The following SORCS1 variants were observed in gnomAD, a reference collection of about 807,000 sequenced individuals.
SORCS1 encodes sortilin related VPS10 domain containing receptor 1, also known as VPS10 domain-containing receptor SorCS1.
Under a neutral mutation model 146.1 loss-of-function variants are expected in SORCS1, and 60 were observed. The observed-to-expected ratio is 0.41, with a 90% CI of 0.33 to 0.51. SORCS1 has a LOEUF of 0.51. SORCS1 is among the 20% of genes least tolerant of loss of function. The pLI is 0.21. For missense variants in SORCS1, 1,352 were observed against 1,487.6 expected (o/e 0.91, Z 1.50); for synonymous variants, 637 against 584.0 (o/e 1.09, Z -1.31).
In SORCS1 at chr10:106,979,832, AACTTAACCTCTAGATG is replaced by A. The variant is rs377396170; in HGVS notation, c.559-23268_559-23253del. Among the ~76,000 whole-genome samples, 870 of 152,318 alleles carry A rather than the reference AACTTAACCTCTAGATG, an allele frequency of 5.7e-3. 15 individuals are homozygous for A. Among genetic ancestry groups the A allele is most frequent in the African/African-American group, 0.02 (823 of 41,568 alleles). ...CCCTCACTCTGCCACTGTGGGAGGT[AACTTAACCTCTAGATG>A]CTCCAGTTTCCTCATCATGAAGGTA... On this transcript the variant is annotated intron_variant, in intron 1 of 25. Coordinates refer to ENST00000263054, the MANE Select transcript of SORCS1 (RefSeq NM_052918.5).
chr10:106,736,689 G>T (rs17121352), intron 5 of SORCS1, among the ~76,000 whole-genome samples: 1 of 151,094 alleles, frequency 6.6e-6, no homozygotes. Flanking sequence ...TCTCGTCTGC[G>T]TCCAACACGG....
At chr10:106,813,135 T>C (rs1038835334) in intron 3 of SORCS1, among the ~76,000 whole-genome samples, 32 of 142,208 alleles carry the variant, frequency 2.3e-4, no homozygotes, top group African/African-American at 6.8e-4. Flanking sequence ...TTTCTTTTTT[T>C]TTTTTTTTTT....
At chr10:106,718,504 G>A (rs1443852709) in intron 6 of SORCS1, among the ~76,000 whole-genome samples, 1 of 151,908 alleles carries the variant, frequency 6.6e-6, no homozygotes, top group Non-Finnish European at 1.5e-5. Flanking sequence ...GACTTCAGGA[G>A]TGAAGCCGCA....
intron 10 of SORCS1, among the ~76,000 whole-genome samples, chr10:106,684,439 C>T (rs1852671600): frequency 1.3e-5 from 2 of 152,166 alleles, no homozygotes; most frequent in Non-Finnish European, 1.5e-5. Flanking sequence ...GGATTTGTCA[C>T]AGGCTCAGTT....
chr10:107,010,661 T>C (rs77542449), intron 1 of SORCS1, among the ~76,000 whole-genome samples: 4,415 of 147,428 alleles, frequency 0.03, 184 homozygotes, highest in African/African-American at 0.1. Context: ...TAGGAGCTGA[T>C]TGAACAACTG....
intron 2 of SORCS1, among the ~76,000 whole-genome samples, chr10:106,912,769 C>T (rs543288837): frequency 2.0e-4 from 31 of 152,238 alleles, no homozygotes; most frequent in African/African-American, 6.7e-4. Flanking sequence ...ACCTCCACCT[C>T]CTGGGTTCCA....
chr10:106,674,524 T>G (rs1317110970), intron 14 of SORCS1, among the ~76,000 whole-genome samples: 2 of 152,034 alleles, frequency 1.3e-5, no homozygotes, highest in African/African-American at 4.8e-5. Context: ...TCAAAGTCCA[T>G]GTATTGAAAC....
chr10:106,839,603 A>G (rs1254786350), intron 2 of SORCS1, among the ~76,000 whole-genome samples: 2 of 152,220 alleles, frequency 1.3e-5, no homozygotes, highest in Non-Finnish European at 2.9e-5. Flanking sequence ...ATCATTGATG[A>G]AGGTGGCTAC....
At chr10:106,878,129 A>G (rs1340133711) in intron 2 of SORCS1, among the ~76,000 whole-genome samples, 1 of 150,832 alleles carries the variant, frequency 6.6e-6, no homozygotes, top group Non-Finnish European at 1.5e-5. Flanking sequence ...CTGGCAAGGT[A>G]GTAAATTTTT....
Position 107,099,636 on chromosome 10 carries a change from A to G in SORCS1, c.558+64333T>C, listed in dbSNP as rs565041898. ...AGGTATTCCATCACTGAAGAAATGT[A>G]TATTAAACAATGCTGGTATGCATTT... On this transcript the variant is annotated intron_variant, in intron 1 of 25. Transcript: ENST00000263054. 9.1e-4 allele frequency among the ~76,000 whole-genome samples: 138 copies of G among 152,342 alleles called. 1 individual carries two copies. Among genetic ancestry groups the G allele is most frequent in the Non-Finnish European group, 1.3e-4 (9 of 68,028 alleles).
intron 16 of SORCS1, 55 bp from the exon 17 acceptor site, chr10:106,667,857 C>A: frequency 7.8e-7 from 1 of 1,280,968 alleles, no homozygotes; most frequent in Non-Finnish European, 1.1e-6. Context: ...TTACTGAAAA[C>A]AATTCTACAT....
chr10:106,777,384 G>A (rs561920847), intron 3 of SORCS1, among the ~76,000 whole-genome samples: 8 of 152,290 alleles, frequency 5.3e-5, no homozygotes, highest in African/African-American at 1.9e-4. Flanking sequence ...GTTCACAGAT[G>A]AATTCCCAGC....
At chr10:106,885,285 T>TGG (rs34957631) in intron 2 of SORCS1, among the ~76,000 whole-genome samples, 136 of 139,866 alleles carry the variant, frequency 9.7e-4, no homozygotes, top group African/African-American at 3.3e-3. Context: ...AGGAGAAAAT[T>TGG]GGGGGGGGGG....
intron 1 of SORCS1, among the ~76,000 whole-genome samples, chr10:107,070,398 C>T (rs572871461): frequency 6.6e-6 from 1 of 152,244 alleles, no homozygotes; most frequent in East Asian, 1.9e-4. Flanking sequence ...TTCACAGTAG[C>T]TGCACACTTT....
intron 1 of SORCS1, among the ~76,000 whole-genome samples, chr10:107,148,148 C>T (rs1295579832): frequency 6.6e-6 from 1 of 152,126 alleles, no homozygotes; most frequent in Non-Finnish European, 1.5e-5. Flanking sequence ...GCCTTTGAGC[C>T]AGGAAAACCA....
At chr10:106,978,275 G>A (rs1342245750) in intron 1 of SORCS1, among the ~76,000 whole-genome samples, 3 of 152,120 alleles carry the variant, frequency 2.0e-5, no homozygotes, top group Admixed American at 2.0e-4. Flanking sequence ...AGCCTGGTGG[G>A]AGATCAGAAT....
chr10:106,883,700 A>G (rs374462555), intron 2 of SORCS1, among the ~76,000 whole-genome samples: 3 of 152,338 alleles, frequency 2.0e-5, no homozygotes, highest in African/African-American at 7.2e-5. Flanking sequence ...GGCGTGAGCC[A>G]CCACGCCCGG....
chr10:107,145,240 T>G (rs1968220050), intron 1 of SORCS1, among the ~76,000 whole-genome samples: 1 of 152,170 alleles, frequency 6.6e-6, no homozygotes, highest in South Asian at 2.1e-4. Context: ...ATGGTACAAG[T>G]TTGTTAAACT....
intron 23 of SORCS1, among the ~76,000 whole-genome samples, chr10:106,597,677 A>G (rs887171462): frequency 6.6e-6 from 1 of 152,224 alleles, no homozygotes; most frequent in Non-Finnish European, 1.5e-5. Context: ...AGAAACTATT[A>G]GTGAATGAAA....
Sources: gnomAD v4.1 joint callset for allele counts (sites outside exome capture counted in the v4.1 genomes callset) on GRCh38, gnomAD v4.1.1 for gene constraint, MANE v1.5 for transcripts, NCBI Gene and HGNC (gene_info 2026-07-23, HGNC 2026-07-21) for gene names.